The following ABCC9 variants were observed in gnomAD, a reference collection of about 807,000 sequenced individuals.
ABCC9 encodes ATP binding cassette subfamily C member 9.
A neutral mutation model predicts 188.3 loss-of-function variants in ABCC9; 95 were observed. The ratio of observed to expected loss-of-function variants is 0.50; its 90% confidence interval spans 0.43 to 0.60. The LOEUF (loss-of-function observed/expected upper bound fraction) is 0.60, where lower values mean the gene tolerates loss of function less well. Ranked by LOEUF, ABCC9 falls within the 20% of genes least tolerant of loss-of-function variation. The pLI is 0.00. For synonymous variants in ABCC9, 659 were observed against 652.7 expected (o/e 1.01, Z -0.15); for missense variants, 1,102 against 1,876.3 (o/e 0.59, Z 7.62).
chr12:21,925,309 G>T, intron 5 of ABCC9: 1 of 492,612 alleles, frequency 2.0e-6, no homozygotes, highest in South Asian at 3.6e-5. Flanking sequence ...GAATATTTTA[G>T]AGAGCCTCTG....
chr12:21,870,822 A>G (rs569781499), intron 18 of ABCC9, among the ~76,000 whole-genome samples: 18 of 152,364 alleles, frequency 1.2e-4, no homozygotes, highest in Admixed American at 2.6e-4. Context: ...ACTTTATGAA[A>G]TAAGATACAA....
intron 30 of ABCC9, among the ~76,000 whole-genome samples, chr12:21,835,444 T>C (rs1329499030): frequency 5.3e-5 from 8 of 152,168 alleles, no homozygotes; most frequent in Non-Finnish European, 1.2e-4. Context: ...ACATGGACTC[T>C]ACATTCTCAC....
chr12:21,873,896 A>G (rs10841904), intron 17 of ABCC9, among the ~76,000 whole-genome samples: 94,289 of 151,932 alleles, frequency 0.62, 30,020 homozygotes, highest in Non-Finnish European at 0.71. Flanking sequence ...TAAATGTCAG[A>G]CCTGAAACTA....
At chr12:21,824,304 C>T (rs1442397023) in intron 31 of ABCC9, among the ~76,000 whole-genome samples, 2 of 152,008 alleles carry the variant, frequency 1.3e-5, no homozygotes, top group African/African-American at 4.8e-5. Flanking sequence ...TATTGATTTG[C>T]GTATGTTGAA....
intron 12 of ABCC9, among the ~76,000 whole-genome samples, chr12:21,898,528 A>G (rs1249430910): frequency 6.6e-6 from 1 of 152,236 alleles, no homozygotes. Flanking sequence ...TAAAGGGGCT[A>G]TATAGGCCAA....
rs757279479 is a variant in ABCC9, at chr12:21,812,110, T to C, written c.4150A>G (p.Thr1384Ala). The change falls in exon 36 of 40, where the codon ACA becomes GCA. Residue 1384 changes from threonine to alanine, a missense_variant. This residue lies in a region of ABCC9 where 67 missense variants were observed against 101.0 expected (regional missense o/e 0.66). Transcript: ENST00000261200. ...GIDISKLPLH[T>A]LRSRLSIILQ... ...ATGATTGAAAGTCTAGAACGTAGTG[T>C]GTGCAGTGGTAATTTGGAAATGTCT... The C allele has an allele frequency of 6.8e-6, 11 of 1,613,472 alleles. No homozygotes were observed. The highest frequency in any genetic ancestry group is 8.5e-7 in the Non-Finnish European group (1 of 1,179,516).
intron 31 of ABCC9, among the ~76,000 whole-genome samples, chr12:21,820,208 G>GT (rs1319752713): frequency 2.6e-5 from 4 of 151,680 alleles, no homozygotes; most frequent in Admixed American, 2.0e-4. Flanking sequence ...AAGTAAATTA[G>GT]TACCAGAAAA....
At chr12:21,858,925 T>C (rs1195660398) in intron 22 of ABCC9, among the ~76,000 whole-genome samples, 1 of 152,206 alleles carries the variant, frequency 6.6e-6, no homozygotes, top group Admixed American at 6.5e-5. Context: ...TTGTAAGCTA[T>C]TTTAGGTACC....
chr12:21,823,934 C>T (rs1193086990), intron 31 of ABCC9, among the ~76,000 whole-genome samples: 2 of 152,156 alleles, frequency 1.3e-5, no homozygotes, highest in African/African-American at 2.4e-5. Context: ...TTCTTTTAGT[C>T]TCTTGTCCTT....
chr12:21,916,441 A>T (rs1948606733), intron 6 of ABCC9, among the ~76,000 whole-genome samples: 1 of 152,198 alleles, frequency 6.6e-6, no homozygotes, highest in Admixed American at 6.5e-5. Flanking sequence ...AAGTGGTGGA[A>T]AGTACAATCA....
chr12:21,936,585 G>A lies in ABCC9; in HGVS notation c.90C>T (p.Asn30=), dbSNP rs1428470419. 1 of 1,613,164 alleles carries A rather than the reference G, an allele frequency of 6.2e-7. No individual in the cohort carries two copies. Among genetic ancestry groups the A allele is most frequent in the Non-Finnish European group, 8.5e-7 (1 of 1,179,382 alleles). The change falls in exon 3 of 40, where the codon AAC becomes AAT. Residue 30 remains asparagine (N), a synonymous_variant. Transcript: ENST00000261200. ...LQNSCFVDAL[N]LVPHVFLLFI... is the part of the protein sequence containing the mutation. The stretch of plus-strand genomic sequence containing the variant: ...ACAACAGAAAGACATGAGGGACCAG[G>A]TTGAGGGCATCCACAAAGCAGGAAT...
At chr12:21,907,792 C>G (rs1417102391) in intron 11 of ABCC9, among the ~76,000 whole-genome samples, 1 of 151,990 alleles carries the variant, frequency 6.6e-6, no homozygotes, top group East Asian at 1.9e-4. Context: ...ATTCTTTAGA[C>G]AAGTGATCTA....
chr12:21,937,695 A>G (rs960554073), intron 2 of ABCC9, among the ~76,000 whole-genome samples: 2 of 152,204 alleles, frequency 1.3e-5, no homozygotes, highest in African/African-American at 4.8e-5. Flanking sequence ...AGTTCTGGGC[A>G]CTTTGCATAT....
intron 25 of ABCC9, among the ~76,000 whole-genome samples, chr12:21,847,495 G>A (rs1263117524): frequency 1.3e-5 from 2 of 151,944 alleles, no homozygotes; most frequent in Admixed American, 1.3e-4. Flanking sequence ...GCAGGCATAA[G>A]CAAAAATTAC....
chr12:21,852,130 T>C lies in ABCC9; in HGVS notation c.2736A>G (p.Thr912=), dbSNP rs1478327969. 1 of 1,613,720 alleles carries C rather than the reference T, an allele frequency of 6.2e-7. No homozygotes were observed. The highest frequency in any genetic ancestry group is 1.1e-5 in the South Asian group (1 of 91,074). Residue 912 remains threonine (T), a synonymous_variant, in exon 24 of 40, where the codon ACA becomes ACG. Transcript: ENST00000261200. ...ATTCTTGATCTTGCCGATTCATAAG[T>C]GTTTTCCAGTGTTCATAAAGCTCAA... ...KDVELYEHWK[T]LMNRQDQELE...
chr12:21,860,661 AC>A (rs1370704537), intron 21 of ABCC9, among the ~76,000 whole-genome samples: 1 of 152,206 alleles, frequency 6.6e-6, no homozygotes, highest in African/African-American at 2.4e-5. Context: ...TTAGTTTCAA[AC>A]CTATTACAGC....
chr12:21,860,406 A>G (rs1027112407), intron 21 of ABCC9, among the ~76,000 whole-genome samples: 2 of 152,236 alleles, frequency 1.3e-5, no homozygotes, highest in Non-Finnish European at 2.9e-5. Context: ...TATGCAGATA[A>G]CGATAACACC....
In ABCC9 at chr12:21,822,315, GT is replaced by G. The variant is rs558814236; in HGVS notation, c.3670-4065del. Among the ~76,000 whole-genome samples, 172 of 141,516 alleles carry G rather than the reference GT, an allele frequency of 1.2e-3. 2 individuals carry two copies. Among genetic ancestry groups the G allele is most frequent in the African/African-American group, 3.3e-3 (127 of 38,758 alleles). 92.8% of individuals were successfully genotyped at this position (141,516 alleles called of 152,430 possible). A position where few individuals can be genotyped will look rare whatever the true frequency, so the allele number is the denominator to read the frequency against. On this transcript the variant is annotated intron_variant, in intron 31 of 39. Transcript: ENST00000261200. Reference sequence around the variant, plus strand: ...TGGATTACTACCACTGCTAAAAACTGTTTTTTTTTTTTCTAAAGTACTGGAA... The same window carrying G: ...TGGATTACTACCACTGCTAAAAACTGTTTTTTTTTTTCTAAAGTACTGGAA...
At position 21,797,527 on chromosome 12, in the gene ABCC9, T is replaced by C. The variant is rs2137066394; in HGVS notation, c.*3517A>G. The C allele has an allele frequency of 6.6e-6, 1 of 152,086 alleles. No homozygotes were observed. The highest frequency in any genetic ancestry group is 2.4e-5 in the African/African-American group (1 of 41,490). 9.4% of individuals were successfully genotyped at this position (152,086 alleles called of 1,614,324 possible). On this transcript the variant is annotated 3_prime_UTR_variant, in exon 40 of 40. Transcript: ENST00000261200. ...GAGAATAAATAGAATAAACACAACA[T>C]AGAAAAGGAAAGAGAATAACCTATA... is the stretch of plus-strand genomic sequence containing the variant.
Sources: gnomAD v4.1 joint callset for allele counts (sites outside exome capture counted in the v4.1 genomes callset) on GRCh38, gnomAD v4.1.1 for gene constraint, gnomAD v4.1.1 regional missense constraint, MANE v1.5 for transcripts, NCBI Gene and HGNC (gene_info 2026-07-23, HGNC 2026-07-21) for gene names.